ERC2: variants seen among roughly 807,000 people sequenced by gnomAD.
ERC2 encodes the protein ELKS/RAB6-interacting/CAST family member 2, also known as ERC protein 2.
In ERC2, 42 loss-of-function variants were observed where a neutral mutation model predicts 114.8. The ratio of observed to expected loss-of-function variants is 0.37; its 90% confidence interval spans 0.29 to 0.47. The LOEUF (loss-of-function observed/expected upper bound fraction) is 0.47, where lower values mean the gene tolerates loss of function less well. Ranked by LOEUF, ERC2 falls within the 20% of genes least tolerant of loss-of-function variation. The pLI, the probability that ERC2 is intolerant of heterozygous loss-of-function variation, is 0.99. For synonymous variants in ERC2, 454 were observed against 425.5 expected (o/e 1.07, Z -0.82); for missense variants, 939 against 1,150.7 (o/e 0.82, Z 2.66).
At chr3:55,714,659 GTGTGTGTGTATA>G (rs1369040294) in intron 15 of ERC2, among the ~76,000 whole-genome samples, 1 of 70,846 alleles carries the variant, frequency 1.4e-5, no homozygotes, top group Non-Finnish European at 2.4e-5. Context: ...GTGTGTGTGT[GTGTGTGTGTATA>G]TATATATATA....
At chr3:56,331,546 T>C (rs2057615775) in intron 2 of ERC2, among the ~76,000 whole-genome samples, 1 of 152,206 alleles carries the variant, frequency 6.6e-6, no homozygotes, top group Non-Finnish European at 1.5e-5. Flanking sequence ...TTAGCAGTTC[T>C]TGGGCTCAGG....
chr3:55,771,599 C>T (rs1003426863), intron 14 of ERC2, among the ~76,000 whole-genome samples: 3 of 152,196 alleles, frequency 2.0e-5, no homozygotes, highest in African/African-American at 4.8e-5. Flanking sequence ...AGCAGAAATG[C>T]TGAGGCATAA....
chr3:55,805,415 C>A (rs2059449962), intron 14 of ERC2, among the ~76,000 whole-genome samples: 1 of 151,728 alleles, frequency 6.6e-6, no homozygotes, highest in African/African-American at 2.4e-5. Flanking sequence ...CAGAGAGATT[C>A]AGTACCTTCC....
chr3:56,385,247 T>C (rs1010090420), intron 2 of ERC2, among the ~76,000 whole-genome samples: 1 of 152,156 alleles, frequency 6.6e-6, no homozygotes, highest in Admixed American at 6.6e-5. Flanking sequence ...GGGTTACCTT[T>C]TGGTTCATAC....
Position 55,997,880 on chromosome 3 carries a change from G to GTTTGTTTTTTTTTTTTTTTTTTTTT in ERC2, c.2062-5631_2062-5630insAAAAAAAAAAAAAAAAAAAAACAAA. On this transcript the variant is annotated intron_variant, in intron 10 of 17. Transcript: ENST00000288221. Reference sequence around the variant, plus strand: ...TTGAAATGTTATACATCTTAATTCTGTTTTTTTTTTTTTTTTTTTTTTTTT... The same window carrying GTTTGTTTTTTTTTTTTTTTTTTTTT: ...TTGAAATGTTATACATCTTAATTCTGTTTGTTTTTTTTTTTTTTTTTTTTTTTTTTTTTTTTTTTTTTTTTTTTTT... Among the ~76,000 whole-genome samples, 2 of 44,788 alleles carry GTTTGTTTTTTTTTTTTTTTTTTTTT rather than the reference G, an allele frequency of 4.5e-5. 1 individual carries two copies. The allele number at this position is 44,788 out of a possible 152,430, so 29.4% of individuals were successfully genotyped here.
At chr3:56,455,825 A>G (rs1269094517) in intron 1 of ERC2, among the ~76,000 whole-genome samples, 3 of 152,200 alleles carry the variant, frequency 2.0e-5, no homozygotes, top group Non-Finnish European at 4.4e-5. Flanking sequence ...AACATCTCTC[A>G]TGACTTAGCA....
intron 6 of ERC2, among the ~76,000 whole-genome samples, chr3:56,121,392 G>C (rs1295104578): frequency 6.6e-6 from 1 of 152,024 alleles, no homozygotes; most frequent in Non-Finnish European, 1.5e-5. Flanking sequence ...AACACTCCTG[G>C]ATTTTCAGCA....
At chr3:55,686,788 G>A (rs185690518) in intron 16 of ERC2, among the ~76,000 whole-genome samples, 1 of 152,272 alleles carries the variant, frequency 6.6e-6, no homozygotes, top group East Asian at 1.9e-4. Context: ...TGTTCTGAAT[G>A]CTGCTCGGTG....
intron 2 of ERC2, among the ~76,000 whole-genome samples, chr3:56,352,865 T>C (rs146279125): frequency 7.8e-4 from 119 of 152,292 alleles, no homozygotes; most frequent in Non-Finnish European, 1.4e-3. Context: ...CTTTGCCACA[T>C]AGCCCTCTCC....
chr3:55,956,040 G>T (rs111329294), intron 12 of ERC2, among the ~76,000 whole-genome samples: 57 of 152,146 alleles, frequency 3.7e-4, no homozygotes, highest in African/African-American at 1.3e-3. Flanking sequence ...AGAACAGACC[G>T]CAGCATGTTC....
At chr3:56,431,136 A>G (rs2061771657) in intron 2 of ERC2, among the ~76,000 whole-genome samples, 1 of 152,216 alleles carries the variant, frequency 6.6e-6, no homozygotes, top group Non-Finnish European at 1.5e-5. Flanking sequence ...ACTAAGCACA[A>G]TGCCTAGCAC....
intron 15 of ERC2, among the ~76,000 whole-genome samples, chr3:55,706,777 C>A (rs1353975962): frequency 6.6e-6 from 1 of 152,106 alleles, no homozygotes; most frequent in Non-Finnish European, 1.5e-5. Flanking sequence ...AACAAGCCTG[C>A]ACTTAATTTT....
chr3:55,538,107 C>G (rs2054118068), intron 17 of ERC2, among the ~76,000 whole-genome samples: 2 of 152,222 alleles, frequency 1.3e-5, no homozygotes, highest in South Asian at 4.1e-4. Context: ...CTGTTAGTAG[C>G]TATAGACCAT....
intron 17 of ERC2, among the ~76,000 whole-genome samples, chr3:55,565,884 A>C (rs921001562): frequency 5.3e-5 from 8 of 152,234 alleles, no homozygotes; most frequent in African/African-American, 1.9e-4. Context: ...TAGCAACTGA[A>C]AGCAGGGCGA....
chr3:56,186,252 T>C (rs182732430), intron 3 of ERC2, among the ~76,000 whole-genome samples: 129 of 152,126 alleles, frequency 8.5e-4, no homozygotes, highest in Non-Finnish European at 1.4e-3. Flanking sequence ...CTAATAAATC[T>C]GTGTTGTTTA....
At chr3:55,900,611 T>TCCAAGC (rs1160615516) in intron 13 of ERC2, among the ~76,000 whole-genome samples, 2 of 152,198 alleles carry the variant, frequency 1.3e-5, no homozygotes, top group Admixed American at 1.3e-4. Context: ...CAAGCCTGAC[T>TCCAAGC]CCAAGCCTGA....
At chr3:55,990,989 G>A (rs1283522979) in intron 11 of ERC2, among the ~76,000 whole-genome samples, 2 of 152,154 alleles carry the variant, frequency 1.3e-5, no homozygotes, top group African/African-American at 4.8e-5. Flanking sequence ...CAGCTACTCA[G>A]GGGGCCGAGG....
At chr3:56,399,735 C>G (rs1324829462) in intron 2 of ERC2, among the ~76,000 whole-genome samples, 1 of 151,490 alleles carries the variant, frequency 6.6e-6, no homozygotes, top group Non-Finnish European at 1.5e-5. Context: ...GAAGAAATAA[C>G]TTTCCAAAAT....
intron 2 of ERC2, among the ~76,000 whole-genome samples, chr3:56,315,273 T>C (rs1451298915): frequency 6.6e-6 from 1 of 152,198 alleles, no homozygotes; most frequent in Non-Finnish European, 1.5e-5. Context: ...TTCCTAAAAA[T>C]CTATGTGAGA....
Sources: gnomAD v4.1 joint callset for allele counts (sites outside exome capture counted in the v4.1 genomes callset) on GRCh38, gnomAD v4.1.1 for gene constraint, MANE v1.5 for transcripts, NCBI Gene and HGNC (gene_info 2026-07-23, HGNC 2026-07-21) for gene names.